ABTB3: variants seen among roughly 807,000 people sequenced by gnomAD.
ABTB3 encodes ankyrin repeat and BTB domain containing 3.
the ABTB3 span, among the ~76,000 whole-genome samples, chr12:107,492,106 A>G: frequency 6.6e-6 from 1 of 152,118 alleles, no homozygotes; most frequent in African/African-American, 2.4e-5. Flanking sequence ...AGGGAGATGA[A>G]GAAACTGCAG....
the ABTB3 span, among the ~76,000 whole-genome samples, chr12:107,321,046 C>T: frequency 6.6e-6 from 1 of 152,220 alleles, no homozygotes; most frequent in Non-Finnish European, 1.5e-5. Context: ...TGCTGCCCGT[C>T]TGCGAAAGCC....
At chr12:107,359,068 G>C in the ABTB3 span, among the ~76,000 whole-genome samples, 2 of 152,252 alleles carry the variant, frequency 1.3e-5, no homozygotes, top group Non-Finnish European at 2.9e-5. Context: ...GGGTGTCAGA[G>C]TTGACCTGAC....
chr12:107,430,405 A>T, the ABTB3 span, among the ~76,000 whole-genome samples: 1 of 152,180 alleles, frequency 6.6e-6, no homozygotes, highest in Admixed American at 6.5e-5. Context: ...TTTGCTTTTG[A>T]TGTTTGTTGT....
the ABTB3 span, among the ~76,000 whole-genome samples, chr12:107,579,622 C>A: frequency 6.6e-6 from 1 of 152,212 alleles, no homozygotes; most frequent in East Asian, 1.9e-4. Flanking sequence ...TTCTGGGAAG[C>A]TCATGACATC....
chr12:107,446,312 G>A, the ABTB3 span, among the ~76,000 whole-genome samples: 1 of 152,150 alleles, frequency 6.6e-6, no homozygotes, highest in African/African-American at 2.4e-5. Flanking sequence ...ACCATGTCAG[G>A]TACCAGTCAT....
At chr12:107,501,152 C>T in the ABTB3 span, among the ~76,000 whole-genome samples, 2 of 152,100 alleles carry the variant, frequency 1.3e-5, no homozygotes, top group Non-Finnish European at 2.9e-5. Flanking sequence ...ATGGTTAATG[C>T]ATGTAAAGCA....
At chr12:107,427,747 A>G in the ABTB3 span, among the ~76,000 whole-genome samples, 3 of 152,156 alleles carry the variant, frequency 2.0e-5, no homozygotes, top group Non-Finnish European at 2.9e-5. Flanking sequence ...AATACTCGCT[A>G]CTTCTCTCAT....
At chr12:107,587,273 C>G in the ABTB3 span, among the ~76,000 whole-genome samples, 2 of 152,228 alleles carry the variant, frequency 1.3e-5, no homozygotes, top group African/African-American at 4.8e-5. Context: ...GACAACCGAT[C>G]TATATTTTAG....
the ABTB3 span, among the ~76,000 whole-genome samples, chr12:107,412,079 T>C: frequency 6.6e-6 from 1 of 152,194 alleles, no homozygotes; most frequent in Non-Finnish European, 1.5e-5. Flanking sequence ...TGGTGGATCT[T>C]ATTACAGCAA....
chr12:107,520,942 C>T, the ABTB3 span, among the ~76,000 whole-genome samples: 7 of 151,936 alleles, frequency 4.6e-5, no homozygotes, highest in African/African-American at 9.7e-5. Flanking sequence ...AGTGTAGTTG[C>T]GGTGATTCAA....
At chr12:107,598,472 C>T in the ABTB3 span, among the ~76,000 whole-genome samples, 1 of 152,186 alleles carries the variant, frequency 6.6e-6, no homozygotes, top group Admixed American at 6.5e-5. Flanking sequence ...TGGCCCTGTA[C>T]CCAGCCAAAA....
the ABTB3 span, among the ~76,000 whole-genome samples, chr12:107,632,268 G>A: frequency 0.073 from 11,137 of 152,226 alleles, 496 homozygotes; most frequent in Middle Eastern, 0.1. Context: ...TCTACAGACT[G>A]TACATGCCTC....
chr12:107,403,727 C>T, the ABTB3 span, among the ~76,000 whole-genome samples: 104 of 152,210 alleles, frequency 6.8e-4, no homozygotes, highest in African/African-American at 2.0e-3. Context: ...AGCTGAAAGT[C>T]GCAGATCCCA....
the ABTB3 span, among the ~76,000 whole-genome samples, chr12:107,629,807 G>A: frequency 6.6e-6 from 1 of 152,184 alleles, no homozygotes; most frequent in Non-Finnish European, 1.5e-5. Context: ...CCAGAATGGA[G>A]CAAGCCTCAA....
the ABTB3 span, among the ~76,000 whole-genome samples, chr12:107,500,908 TA>T: frequency 1.3e-5 from 2 of 152,332 alleles, no homozygotes; most frequent in East Asian, 3.9e-4. Flanking sequence ...CTAGACTTTT[TA>T]ACATGCCTTA....
At chr12:107,321,288 T>C in the ABTB3 span, among the ~76,000 whole-genome samples, 1 of 152,074 alleles carries the variant, frequency 6.6e-6, no homozygotes, top group Non-Finnish European at 1.5e-5. Flanking sequence ...TGCATGTGCG[T>C]GTGAGAGTCT....
At chr12:107,421,566 A>T in the ABTB3 span, among the ~76,000 whole-genome samples, 1 of 152,364 alleles carries the variant, frequency 6.6e-6, no homozygotes, top group Non-Finnish European at 1.5e-5. Context: ...CTTCAGAGAA[A>T]AGGAAATCAT....
the ABTB3 span, among the ~76,000 whole-genome samples, chr12:107,384,739 T>C: frequency 6.6e-6 from 1 of 152,154 alleles, no homozygotes; most frequent in Non-Finnish European, 1.5e-5. Context: ...CAGGAGCGGG[T>C]GTGACCTTGA....
the ABTB3 span, among the ~76,000 whole-genome samples, chr12:107,397,037 G>T: frequency 1.3e-5 from 2 of 152,156 alleles, no homozygotes; most frequent in Non-Finnish European, 2.9e-5. Context: ...TGATCACTAC[G>T]TGCGCTTGTA....
Sources: allele counts gnomAD v4.1 joint callset (sites outside exome capture counted in the v4.1 genomes callset), GRCh38; gene constraint gnomAD v4.1.1; transcripts MANE v1.5; gene names NCBI Gene and HGNC (gene_info 2026-07-23, HGNC 2026-07-21).